ATP10A: variants seen among roughly 807,000 people sequenced by gnomAD.
ATP10A encodes phospholipid-transporting ATPase VA.
In ATP10A, 111 loss-of-function variants were observed where a neutral mutation model predicts 147.8. The observed-to-expected ratio is 0.75, with a 90% CI of 0.64 to 0.88. The LOEUF (loss-of-function observed/expected upper bound fraction) is 0.88, where lower values mean the gene tolerates loss of function less well. Among genes scored for constraint, ATP10A ranks in the 40% least tolerant of loss-of-function variants. The pLI, the probability that ATP10A is intolerant of heterozygous loss-of-function variation, is 0.00. For synonymous variants in ATP10A, 875 were observed against 841.6 expected (o/e 1.04, Z -0.69); for missense variants, 1,927 against 1,959.0 (o/e 0.98, Z 0.31).
At chr15:25,688,872 G>A (rs1024004038) in intron 15 of ATP10A, among the ~76,000 whole-genome samples, 2 of 152,146 alleles carry the variant, frequency 1.3e-5, no homozygotes, top group Non-Finnish European at 2.9e-5. Flanking sequence ...AAGGTTTTTC[G>A]TGTTCTGTAA....
intron 7 of ATP10A, 56 bp downstream of exon 7, chr15:25,721,601 G>T: frequency 6.5e-7 from 1 of 1,530,244 alleles, no homozygotes; most frequent in Non-Finnish European, 8.9e-7. Context: ...AACAATTCTG[G>T]ATAGGGCAGC....
intron 1 of ATP10A, among the ~76,000 whole-genome samples, chr15:25,802,935 G>T (rs757953740): frequency 6.6e-6 from 1 of 152,184 alleles, no homozygotes; most frequent in Non-Finnish European, 1.5e-5. Flanking sequence ...AACAAATCAT[G>T]AACAGAATTT....
At chr15:25,729,343 C>A (rs530579171) in intron 3 of ATP10A, among the ~76,000 whole-genome samples, 1 of 152,290 alleles carries the variant, frequency 6.6e-6, no homozygotes, top group Middle Eastern at 3.4e-3. Context: ...ACTCCTCCCC[C>A]ATTTTTACAT....
At chr15:25,843,301 C>T (rs1442032142) in intron 1 of ATP10A, among the ~76,000 whole-genome samples, 1 of 145,474 alleles carries the variant, frequency 6.9e-6, no homozygotes, top group Non-Finnish European at 1.5e-5. Flanking sequence ...TCAGTGTGTG[C>T]AGAGGCTCCC....
chr15:25,723,824 A>C (rs1481313079), intron 6 of ATP10A, 67 bp downstream of exon 6: 76 of 1,386,216 alleles, frequency 5.5e-5, no homozygotes, highest in Non-Finnish European at 7.2e-5. Context: ...TTCTGAACAG[A>C]GTATGATGAT....
intron 1 of ATP10A, among the ~76,000 whole-genome samples, chr15:25,833,257 A>T (rs2140875058): frequency 6.6e-6 from 1 of 152,236 alleles, no homozygotes; most frequent in East Asian, 1.9e-4. Context: ...TGCTGGGATT[A>T]CAGGTGTGAG....
At chr15:25,726,594 A>G (rs1183762874) in intron 4 of ATP10A, among the ~76,000 whole-genome samples, 1 of 151,756 alleles carries the variant, frequency 6.6e-6, no homozygotes, top group African/African-American at 2.4e-5. Flanking sequence ...GGTGTGCACC[A>G]CCACGCCCAG....
At position 25,734,074 on chromosome 15, in the gene ATP10A, G is replaced by A. The variant is rs563257100; in HGVS notation, c.740+1982C>T. 5.3e-5 allele frequency among the ~76,000 whole-genome samples: 8 copies of A among 152,254 alleles called. No homozygotes were observed. In the East Asian group the frequency reaches 1.2e-3, roughly 22 times the overall value. ...AGGCAGTGAGGTGCTGGGGCTGAGC[G>A]CAGGGCGGAGACACCACCCAGACTC... On this transcript the variant is annotated intron_variant, in intron 3 of 20. Coordinates refer to ENST00000555815, the MANE Select transcript of ATP10A (RefSeq NM_024490.4).
At chr15:25,676,548 C>T (rs546417856), downstream of ATP10A, among the ~76,000 whole-genome samples, 1 of 152,288 alleles carries the variant, frequency 6.6e-6, no homozygotes, top group African/African-American at 2.4e-5. Flanking sequence ...GACTGAAAGA[C>T]AGTCTGGGTA....
rs529023959 is a variant in ATP10A at position 25,846,115 on chromosome 15, G to A, written c.449+16533C>T. ...GACACCCAGGGCAGTCCACTTCGTAGAGGCTGAATGCAGAACGGTTGTTGC... is the reference window on the plus strand; with the variant it reads ...GACACCCAGGGCAGTCCACTTCGTAAAGGCTGAATGCAGAACGGTTGTTGC... On this transcript the variant is annotated intron_variant, in intron 1 of 20. Coordinates refer to ENST00000555815, the MANE Select transcript of ATP10A (RefSeq NM_024490.4). Among the ~76,000 whole-genome samples the A allele has an allele frequency of 1.7e-3, 257 of 152,284 alleles. 3 individuals carry two copies. Among genetic ancestry groups the A allele is most frequent in the South Asian group, 5.8e-3 (28 of 4,826 alleles).
At chr15:25,689,193 A>G (rs1202789349) in intron 15 of ATP10A, among the ~76,000 whole-genome samples, 1 of 152,086 alleles carries the variant, frequency 6.6e-6, no homozygotes, top group Non-Finnish European at 1.5e-5. Flanking sequence ...CTCAAATACA[A>G]TGCTTGTCCT....
intron 2 of ATP10A, among the ~76,000 whole-genome samples, chr15:25,753,349 T>G (rs1888250106): frequency 6.6e-6 from 1 of 152,212 alleles, no homozygotes; most frequent in Non-Finnish European, 1.5e-5. Context: ...TACTTGTCTT[T>G]CTGTGCCTGG....
chr15:25,727,582 C>T (rs144604194), intron 3 of ATP10A, among the ~76,000 whole-genome samples: 2 of 152,282 alleles, frequency 1.3e-5, no homozygotes, highest in African/African-American at 4.8e-5. Context: ...AACTCCCAAC[C>T]GGCCAAGGAA....
At chr15:25,750,681 A>G (rs1888105067) in intron 2 of ATP10A, among the ~76,000 whole-genome samples, 1 of 150,866 alleles carries the variant, frequency 6.6e-6, no homozygotes, top group Admixed American at 6.6e-5. Flanking sequence ...TCATAAAAAT[A>G]ACATTCGTTT....
chr15:25,694,114 ACT>A (rs535690825), intron 14 of ATP10A, among the ~76,000 whole-genome samples: 8 of 151,984 alleles, frequency 5.3e-5, no homozygotes, highest in East Asian at 1.9e-4. Flanking sequence ...TGTGCTAGAG[ACT>A]CTGCCTGCAC....
chr15:25,818,821 A>G (rs983298175), intron 1 of ATP10A, among the ~76,000 whole-genome samples: 2 of 152,136 alleles, frequency 1.3e-5, no homozygotes, highest in African/African-American at 2.4e-5. Flanking sequence ...GTCGACAAAA[A>G]CGTAACACCA....
chr15:25,690,737 C>A (rs2140307504), intron 15 of ATP10A, among the ~76,000 whole-genome samples: 1 of 152,280 alleles, frequency 6.6e-6, no homozygotes, highest in East Asian at 1.9e-4. Context: ...CTTGAGCTTC[C>A]CCTTGTGCAA....
At chr15:25,723,866 A>G (rs368681239) in intron 6 of ATP10A, 25 bp downstream of exon 6, 80 of 1,527,286 alleles carry the variant, frequency 5.2e-5, no homozygotes, top group Non-Finnish European at 6.7e-5. Flanking sequence ...TAAAGCAATT[A>G]TTGTACGATA....
At chr15:25,768,671 G>C (rs1286367543) in intron 2 of ATP10A, among the ~76,000 whole-genome samples, 2 of 143,790 alleles carry the variant, frequency 1.4e-5, no homozygotes, top group Non-Finnish European at 3.0e-5. Context: ...ACCTGCCCAA[G>C]TAGCTGGGCT....
Sources: allele counts gnomAD v4.1 joint callset (sites outside exome capture counted in the v4.1 genomes callset), GRCh38; gene constraint gnomAD v4.1.1; transcripts MANE v1.5; gene names NCBI Gene and HGNC (gene_info 2026-07-23, HGNC 2026-07-21).